The following PIEZO2 variants were observed in gnomAD, a reference collection of about 807,000 sequenced individuals.
The protein encoded by PIEZO2 is piezo type mechanosensitive ion channel component 2, also known as piezo-type mechanosensitive ion channel component 2.
A neutral mutation model predicts 337.3 loss-of-function variants in PIEZO2; 172 were observed. The ratio of observed to expected loss-of-function variants is 0.51; its 90% CI spans 0.45 to 0.58. The LOEUF (loss-of-function observed/expected upper bound fraction) is 0.58, where lower values mean the gene tolerates loss of function less well. Ranked by LOEUF, PIEZO2 falls within the 20% of genes least tolerant of loss-of-function variation. PIEZO2 has a pLI of 0.00. For synonymous variants in PIEZO2, 1,251 were observed against 1,228.5 expected (o/e 1.02, Z -0.38); for missense variants, 3,028 against 3,391.3 (o/e 0.89, Z 2.66).
rs1260485649 is a variant in PIEZO2, at chr18:11,129,340, G to C, written c.64+19185C>G. 6.6e-6 allele frequency among the ~76,000 whole-genome samples: 1 copy of C among 152,202 alleles called. No homozygotes were observed. Among genetic ancestry groups the C allele is most frequent in the Non-Finnish European group, 1.5e-5 (1 of 68,038 alleles). On this transcript the variant is annotated intron_variant, in intron 1 of 55. Coordinates refer to ENST00000674853, the MANE Select transcript of PIEZO2 (RefSeq NM_001378183.1). This position sits in a 1 kb window ranked among gnomAD's most constrained non-coding sequence, Gnocchi z 4.6. ...CACTCAACTGTCAAAGGCAAGGTAG[G>C]CGTAGCTACCATAATGGACAGCAGA...
chr18:10,726,575 G>A lies in PIEZO2; in HGVS notation c.5029+4832C>T. 4 of 1,406,464 alleles carry A rather than the reference G, an allele frequency of 2.8e-6. No individual in the cohort carries two copies. Among genetic ancestry groups the A allele is most frequent in the Non-Finnish European group, 1.9e-6 (2 of 1,059,186 alleles). The allele number at this position is 1,406,464 out of a possible 1,614,324, so 87.1% of individuals were successfully genotyped here. A position where few individuals can be genotyped will look rare whatever the true frequency, so the allele number is the denominator to read the frequency against. On this transcript the variant is annotated intron_variant, in intron 36 of 55. Coordinates refer to ENST00000674853, the MANE Select transcript of PIEZO2 (RefSeq NM_001378183.1). This position sits in a 1 kb window ranked among gnomAD's most constrained non-coding sequence, Gnocchi z 5.9. ...CGCCACGCTGTGCGTCTGTCCTTCC[G>A]CCAGCTCTTCCAGGACCTGGCGCGC...
rs2038419416 is a variant in PIEZO2, at chr18:10,767,633, T to G, written c.2946+2515A>C. Among the ~76,000 whole-genome samples, 1 of 152,094 alleles carries G rather than the reference T, an allele frequency of 6.6e-6. No homozygotes were observed. Among genetic ancestry groups the G allele is most frequent in the Non-Finnish European group, 1.5e-5 (1 of 68,004 alleles). ...CATGGGGCCAGAAGAGATGAAGAGCTCTGGTTACAGGGTGCAGAGTCTCTT... is the reference window on the plus strand; with the variant it reads ...CATGGGGCCAGAAGAGATGAAGAGCGCTGGTTACAGGGTGCAGAGTCTCTT... On this transcript the variant is annotated intron_variant, in intron 21 of 55. Coordinates refer to ENST00000674853, the MANE Select transcript of PIEZO2 (RefSeq NM_001378183.1). The surrounding 1 kb of genome is among the most constrained non-coding windows in gnomAD (Gnocchi z 4.2).
rs2033722593 is a variant in PIEZO2 at position 10,670,469 on chromosome 18, C to T, written c.*1058G>A. 1.3e-5 allele frequency: 2 copies of T among 152,104 alleles called. No individual in the cohort carries two copies. The highest frequency in any genetic ancestry group is 2.1e-4 in the South Asian group (1 of 4,822). The allele number at this position is 152,104 out of a possible 1,614,324, so 9.4% of individuals were successfully genotyped here. On this transcript the variant is annotated 3_prime_UTR_variant, in exon 56 of 56. Coordinates refer to ENST00000674853, the MANE Select transcript of PIEZO2 (RefSeq NM_001378183.1). ...ATTTAAGAAAAGGCCATTTTTATTTCCCCAAGCTCAATATACATATTTCTT... is the reference window on the plus strand; with the variant it reads ...ATTTAAGAAAAGGCCATTTTTATTTTCCCAAGCTCAATATACATATTTCTT...
rs1414103100 is a variant in PIEZO2 at position 10,766,362 on chromosome 18, A to G, written c.2947-3264T>C. Among the ~76,000 whole-genome samples, 1 of 152,142 alleles carries G rather than the reference A, an allele frequency of 6.6e-6. No individual in the cohort carries two copies. The highest frequency in any genetic ancestry group is 1.9e-4 in the East Asian group (1 of 5,188). On this transcript the variant is annotated intron_variant, in intron 21 of 55. Coordinates refer to ENST00000674853, the MANE Select transcript of PIEZO2 (RefSeq NM_001378183.1). The surrounding 1 kb of genome is among the most constrained non-coding windows in gnomAD (Gnocchi z 6.1). ...GAGGAGGAGGACAATGACTATGACAAATACCTGGGCCACAACCAACACCTG... is the reference window on the plus strand; with the variant it reads ...GAGGAGGAGGACAATGACTATGACAGATACCTGGGCCACAACCAACACCTG...
In PIEZO2 at chr18:10,670,619, A is replaced by T. The variant is rs1051263749; in HGVS notation, c.*908T>A. ...CATACTGGAAAAACCATTGCCTTAAATCATGGAAATGGGAAAAAGCACGTT... is the reference window on the plus strand; with the variant it reads ...CATACTGGAAAAACCATTGCCTTAATTCATGGAAATGGGAAAAAGCACGTT... On this transcript the variant is annotated 3_prime_UTR_variant, in exon 56 of 56. Transcript: ENST00000674853. The T allele has an allele frequency of 2.6e-5, 4 of 152,276 alleles. No individual in the cohort carries two copies. Among genetic ancestry groups the T allele is most frequent in the African/African-American group, 9.6e-5 (4 of 41,456 alleles). The allele number at this position is 152,276 out of a possible 1,614,324, so 9.4% of individuals were successfully genotyped here. A position where few individuals can be genotyped will look rare whatever the true frequency, so the allele number is the denominator to read the frequency against.
chr18:10,931,713 T>TGTGTGTGTGTGTGAGA lies in PIEZO2; in HGVS notation c.287-20486_287-20485insTCTCACACACACACAC, dbSNP rs1004023756. On this transcript the variant is annotated intron_variant, in intron 3 of 55. Coordinates refer to ENST00000674853, the MANE Select transcript of PIEZO2 (RefSeq NM_001378183.1). ...TCTCTGTGTGGTGTGTGTGTGTGTG[T>TGTGTGTGTGTGTGAGA]GAGAGAGAGAGAGAGAGAGAGAGAG... 1.0e-4 allele frequency among the ~76,000 whole-genome samples: 15 copies of TGTGTGTGTGTGTGAGA among 147,860 alleles called. No homozygotes were observed. In the South Asian group the frequency reaches 1.5e-3, roughly 15 times the overall value.
At chr18:11,089,548 T>C (rs138446414) in intron 1 of PIEZO2, among the ~76,000 whole-genome samples, 3 of 152,308 alleles carry the variant, frequency 2.0e-5, no homozygotes, top group Non-Finnish European at 2.9e-5. Context: ...AGGGCAGCCA[T>C]TCCTCTTCCA....
Position 11,149,257 on chromosome 18 carries a change from C to G in PIEZO2, c.-669G>C, listed in dbSNP as rs2040891110. On this transcript the variant is annotated 5_prime_UTR_variant, in exon 1 of 56. Coordinates refer to ENST00000674853, the MANE Select transcript of PIEZO2 (RefSeq NM_001378183.1). This position sits in a 1 kb window ranked among gnomAD's most constrained non-coding sequence, Gnocchi z 8.7. ...CCCCCCAGCTTCGGGCCGGAGAGAC[C>G]GGGGTGGGAGCTGCCAGGCGCGCAG... Among the ~76,000 whole-genome samples, 1 of 151,756 alleles carries G rather than the reference C, an allele frequency of 6.6e-6. No homozygotes were observed. Among genetic ancestry groups the G allele is most frequent in the Non-Finnish European group, 1.5e-5 (1 of 67,924 alleles).
chr18:10,682,409 T>G lies in PIEZO2; in HGVS notation c.7498-117A>C, dbSNP rs1415962083. On this transcript the variant is annotated intron_variant, in intron 49 of 55. Transcript: ENST00000674853. The surrounding 1 kb of genome is among the most constrained non-coding windows in gnomAD (Gnocchi z 5.6). ...GGTGCTGGGAACATGGATTTGGCCC[T>G]GAATCTTCTCTGTTCGCTCTGAAAT... is the stretch of plus-strand genomic sequence containing the variant. The G allele has an allele frequency of 2.2e-6, 2 of 904,622 alleles. No individual in the cohort carries two copies. The highest frequency in any genetic ancestry group is 3.3e-6 in the Non-Finnish European group (2 of 612,312). 56.0% of individuals were successfully genotyped at this position (904,622 alleles called of 1,614,324 possible). A position where few individuals can be genotyped will look rare whatever the true frequency, so the allele number is the denominator to read the frequency against.
chr18:10,677,857 T>C lies in PIEZO2; in HGVS notation c.7971A>G (p.Ala2657=). ...WSIQRNLSLG[A]KSEIATDKLS... Reference sequence around the variant, plus strand: ...GCTTATCTGTTGCTATTTCCGATTTTGCACCCAGACTTAAGTTTCTGTGAA... The same window carrying C: ...GCTTATCTGTTGCTATTTCCGATTTCGCACCCAGACTTAAGTTTCTGTGAA... The change falls in exon 53 of 56, where the codon GCA becomes GCG. Residue 2657 remains alanine, a synonymous_variant. Transcript: ENST00000674853. The surrounding 1 kb of genome is among the most constrained non-coding windows in gnomAD (Gnocchi z 4.1). 1 of 1,595,364 alleles carries C rather than the reference T, an allele frequency of 6.3e-7. No individual in the cohort carries two copies. Among genetic ancestry groups the C allele is most frequent in the African/African-American group, 1.4e-5 (1 of 72,976 alleles).
At chr18:10,879,144 A>G (rs2042344267) in intron 4 of PIEZO2, among the ~76,000 whole-genome samples, 1 of 152,230 alleles carries the variant, frequency 6.6e-6, no homozygotes, top group South Asian at 2.1e-4. Context: ...TATACACTAC[A>G]GGGCATTTAA....
rs544044178 is a variant in PIEZO2 at position 10,969,232 on chromosome 18, A to G, written c.286+10303T>C. ...CTTCCATACCACACGGACTTGCGTT[A>G]GTGCTTTTATTGTAAATAATTTACA... On this transcript the variant is annotated intron_variant, in intron 3 of 55. Coordinates refer to ENST00000674853, the MANE Select transcript of PIEZO2 (RefSeq NM_001378183.1). This position sits in a 1 kb window ranked among gnomAD's most constrained non-coding sequence, Gnocchi z 4.5. Among the ~76,000 whole-genome samples, 236 of 152,350 alleles carry G rather than the reference A, an allele frequency of 1.5e-3. 1 individual carries two copies. Among genetic ancestry groups the G allele is most frequent in the Admixed American group, 3.7e-3 (57 of 15,302 alleles).
intron 2 of PIEZO2, among the ~76,000 whole-genome samples, chr18:11,022,082 C>G (rs902688738): frequency 6.6e-6 from 1 of 152,172 alleles, no homozygotes; most frequent in African/African-American, 2.4e-5. Context: ...CTCAAACAAA[C>G]GGGCGCTGCC....
Position 10,794,946 on chromosome 18 carries a change from G to T in PIEZO2, c.1584C>A (p.Cys528Ter). 6.5e-7 allele frequency: 1 copy of T among 1,546,668 alleles called. No homozygotes were observed. Residue 528 changes from cysteine to a stop codon, truncating the protein, a stop_gained, in exon 13 of 56, where the codon TGC (cysteine) becomes TGA (stop). Coordinates refer to ENST00000674853, the MANE Select transcript of PIEZO2 (RefSeq NM_001378183.1). LOFTEE classifies it high-confidence loss of function. This position sits in a 1 kb window ranked among gnomAD's most constrained non-coding sequence, Gnocchi z 6.6. ...TTCTGTTGCGAATCATCCAAAGAGTGCACGACCAGATCAGCAGCACGAAGG... is the reference window on the plus strand; with the variant it reads ...TTCTGTTGCGAATCATCCAAAGAGTTCACGACCAGATCAGCAGCACGAAGG... ...WLTFVLLIWS[C>*]TLWMIRNRRK...
At position 10,672,557 on chromosome 18, in the gene PIEZO2, CAAGG is replaced by C; in HGVS notation, c.8345+129_8345+132del. 19 of 983,910 alleles carry C rather than the reference CAAGG, an allele frequency of 1.9e-5. No individual in the cohort carries two copies. The highest frequency in any genetic ancestry group is 2.5e-5 in the Non-Finnish European group (17 of 670,678). The allele number at this position is 983,910 out of a possible 1,614,324, so 60.9% of individuals were successfully genotyped here. ...CTCATTTTTTGAAATAAAATGCACACAAGGATGTGTGCATTTTAATACTGCAGCT... is the reference window on the plus strand; with the variant it reads ...CTCATTTTTTGAAATAAAATGCACACATGTGTGCATTTTAATACTGCAGCT... On this transcript the variant is annotated intron_variant, in intron 55 of 55. Coordinates refer to ENST00000674853, the MANE Select transcript of PIEZO2 (RefSeq NM_001378183.1). The surrounding 1 kb of genome is among the most constrained non-coding windows in gnomAD (Gnocchi z 4.7).
At position 10,671,419 on chromosome 18, in the gene PIEZO2, G is replaced by T; in HGVS notation, c.*108C>A. ...CTCCTTTTGTCTACCTATCAGAAGA[G>T]AAACAAACCATTTCCGTCGAACTAG... On this transcript the variant is annotated 3_prime_UTR_variant, in exon 56 of 56. Coordinates refer to ENST00000674853, the MANE Select transcript of PIEZO2 (RefSeq NM_001378183.1). 1 of 1,253,470 alleles carries T rather than the reference G, an allele frequency of 8.0e-7. No homozygotes were observed. The highest frequency in any genetic ancestry group is 1.1e-6 in the Non-Finnish European group (1 of 928,182). The allele number at this position is 1,253,470 out of a possible 1,614,324, so 77.6% of individuals were successfully genotyped here. A position where few individuals can be genotyped will look rare whatever the true frequency, so the allele number is the denominator to read the frequency against.
chr18:10,838,583 T>C (rs190489631), intron 7 of PIEZO2, among the ~76,000 whole-genome samples: 46 of 152,352 alleles, frequency 3.0e-4, no homozygotes, highest in Non-Finnish European at 6.0e-4. Context: ...AGGTGCAGGG[T>C]GTGCTGTATT....
intron 52 of PIEZO2, among the ~76,000 whole-genome samples, chr18:10,678,555 C>T (rs2034117998): frequency 6.6e-6 from 1 of 152,104 alleles, no homozygotes; most frequent in African/African-American, 2.4e-5. Context: ...CCCAAATGAA[C>T]CTACTGCTTG....
intron 33 of PIEZO2, among the ~76,000 whole-genome samples, chr18:10,737,346 T>C (rs1598417358): frequency 6.8e-6 from 1 of 146,192 alleles, no homozygotes; most frequent in South Asian, 2.2e-4. Flanking sequence ...GCAGGTAACA[T>C]TGAAAACAAC....
Sources: allele counts gnomAD v4.1 joint callset (sites outside exome capture counted in the v4.1 genomes callset), GRCh38; gene constraint gnomAD v4.1.1; non-coding constraint Gnocchi (gnomAD v3.1); transcripts MANE v1.5; gene names NCBI Gene and HGNC (gene_info 2026-07-23, HGNC 2026-07-21).